AP2A2: variants seen among roughly 807,000 people sequenced by gnomAD.
AP2A2 encodes the protein AP-2 complex subunit alpha-2.
In AP2A2, 32 loss-of-function variants were observed where a neutral mutation model predicts 104.2. That is an observed-to-expected ratio of 0.31 (90% CI 0.23 to 0.41). The LOEUF (loss-of-function observed/expected upper bound fraction) is 0.41, where lower values mean the gene tolerates loss of function less well. Among genes scored for constraint, AP2A2 ranks in the 10% least tolerant of loss-of-function variants. The probability of loss-of-function intolerance (pLI) is 1.00; values close to 1 mark genes in which losing one functional copy is unlikely to be tolerated. For synonymous variants in AP2A2, 539 were observed against 533.3 expected, an observed-to-expected ratio of 1.01 and a Z score of -0.15; for missense variants, 912 against 1,261.0, an observed-to-expected ratio of 0.72 and a Z score of 4.19.
intron 2 of AP2A2, among the ~76,000 whole-genome samples, chr11:962,021 G>A (rs538607011): frequency 6.6e-6 from 1 of 152,372 alleles, no homozygotes; most frequent in African/African-American, 2.4e-5. Context: ...AGATGGAGAT[G>A]TGGGTCTGAC....
intron 1 of AP2A2, among the ~76,000 whole-genome samples, chr11:934,216 A>T (rs1564778799): frequency 6.6e-6 from 1 of 152,142 alleles, no homozygotes. Context: ...GTTCTTAGGA[A>T]TAACACTTCT....
At chr11:927,469 G>A (rs929082816) in intron 1 of AP2A2, among the ~76,000 whole-genome samples, 1 of 150,704 alleles carries the variant, frequency 6.6e-6, no homozygotes, top group African/African-American at 2.4e-5. Context: ...CCCACACTCT[G>A]TGGAAGGGTA....
chr11:971,538 G>A (rs1358338636), intron 3 of AP2A2, among the ~76,000 whole-genome samples: 3 of 152,064 alleles, frequency 2.0e-5, no homozygotes, highest in African/African-American at 7.2e-5. Flanking sequence ...GAGGATGGCT[G>A]GGAAGAAGTG....
intron 1 of AP2A2, among the ~76,000 whole-genome samples, chr11:940,312 T>C (rs1477620928): frequency 6.6e-6 from 1 of 152,236 alleles, no homozygotes; most frequent in Non-Finnish European, 1.5e-5. Context: ...TTATTCAATC[T>C]GGAAACTTAT....
intron 13 of AP2A2, 23 bp from the exon 14 acceptor site, chr11:994,049 T>C (rs1390878821): frequency 1.2e-6 from 2 of 1,611,788 alleles, no homozygotes; most frequent in Non-Finnish European, 8.5e-7. Context: ...CTCTGACCAG[T>C]CCCACCCTGT....
At chr11:981,356 T>A (rs1172662631) in intron 6 of AP2A2, 57 bp downstream of exon 6, 1 of 1,350,730 alleles carries the variant, frequency 7.4e-7, no homozygotes, top group Non-Finnish European at 1.0e-6. Flanking sequence ...AGTTATTTAT[T>A]TATTAGCTTA....
chr11:999,799 CT>C lies in AP2A2; in HGVS notation c.1957-630del, dbSNP rs1398277091. The stretch of plus-strand genomic sequence containing the variant: ...GGCAGTAACATGCATGATCTTAGTT[CT>C]TTCTTTTTTTTTTTTTTTTTTGAGA... On this transcript the variant is annotated intron_variant, in intron 14 of 21. Transcript: ENST00000448903. Among the ~76,000 whole-genome samples the C allele has an allele frequency of 5.7e-4, 73 of 127,610 alleles. No individual in the cohort carries two copies. The East Asian group carries it at 0.011, about 19-fold the overall frequency. The allele number at this position is 127,610 out of a possible 152,430, so 83.7% of individuals were successfully genotyped here.
At chr11:948,373 A>C (rs1460057336) in intron 1 of AP2A2, 1 of 152,232 alleles carries the variant, frequency 6.6e-6, no homozygotes, top group African/African-American at 2.4e-5. Flanking sequence ...AAATTCCTAG[A>C]AAGTCGTGAC....
intron 9 of AP2A2, 75 bp from the exon 10 acceptor site, chr11:988,477 C>T (rs2133721364): frequency 6.4e-7 from 1 of 1,552,354 alleles, no homozygotes; most frequent in East Asian, 2.3e-5. Flanking sequence ...GATGCGGGTG[C>T]CGAGCCTGTC....
intron 1 of AP2A2, among the ~76,000 whole-genome samples, chr11:951,387 C>T (rs999391276): frequency 9.2e-5 from 14 of 151,794 alleles, no homozygotes; most frequent in Middle Eastern, 3.4e-3. Context: ...ATTAGCTGGG[C>T]GTAGTGGCAG....
At chr11:983,922 T>A (rs1293010051) in intron 6 of AP2A2, among the ~76,000 whole-genome samples, 1 of 152,176 alleles carries the variant, frequency 6.6e-6, no homozygotes, top group Non-Finnish European at 1.5e-5. Context: ...CTTGCCTCCT[T>A]GCAGCAGGAG....
chr11:988,534 CTG>C lies in AP2A2; in HGVS notation c.1132-15_1132-14del, dbSNP rs1564811713. 6.2e-7 allele frequency: 1 copy of C among 1,608,010 alleles called. No homozygotes were observed. The highest frequency in any genetic ancestry group is 1.7e-5 in the Admixed American group (1 of 59,988). On this transcript the variant is annotated splice_polypyrimidine_tract_variant and intron_variant, in intron 9 of 21. Coordinates refer to ENST00000448903, the MANE Select transcript of AP2A2 (RefSeq NM_012305.4). Reference sequence around the variant, plus strand: ...TGCCTTGCTCCTGCGACCTCTTACTCTGTGCCTTGTTCCCCAGACTGAGCGGG... The same window carrying C: ...TGCCTTGCTCCTGCGACCTCTTACTCTGCCTTGTTCCCCAGACTGAGCGGG...
In AP2A2 at chr11:1,011,159, C is replaced by T. The variant is rs186434936; in HGVS notation, c.*534C>T. On this transcript the variant is annotated 3_prime_UTR_variant, in exon 22 of 22. Transcript: ENST00000448903. ...CTGTTTTCCCAGGCAGGATTTTAAT[C>T]TAGAATTTAGAAACATTTGTATTTG... 2.0e-4 allele frequency: 110 copies of T among 539,288 alleles called. 2 individuals carry two copies. In the East Asian group the frequency reaches 5.4e-3, roughly 27 times the overall value. The allele number at this position is 539,288 out of a possible 1,614,324, so 33.4% of individuals were successfully genotyped here. A position where few individuals can be genotyped will look rare whatever the true frequency, so the allele number is the denominator to read the frequency against.
chr11:929,955 C>T (rs1490492079), intron 1 of AP2A2, among the ~76,000 whole-genome samples: 1 of 151,832 alleles, frequency 6.6e-6, no homozygotes, highest in Non-Finnish European at 1.5e-5. Flanking sequence ...AACACTGTTT[C>T]CACAAAAATA....
At position 989,962 on chromosome 11, in the gene AP2A2, C is replaced by G. The variant is rs185758852; in HGVS notation, c.1269+1273C>G. 4.6e-3 allele frequency among the ~76,000 whole-genome samples: 708 copies of G among 152,286 alleles called. 2 individuals carry two copies. Among genetic ancestry groups the G allele is most frequent in the Admixed American group, 7.9e-3 (120 of 15,284 alleles). ...CTCAAGGCCTCCTTGGGAGCTTTGC[C>G]GAGAGCCAGTGTTGGAGCTAGTGGC... On this transcript the variant is annotated intron_variant, in intron 10 of 21. Coordinates refer to ENST00000448903, the MANE Select transcript of AP2A2 (RefSeq NM_012305.4).
At chr11:930,496 T>G (rs1303188445) in intron 1 of AP2A2, among the ~76,000 whole-genome samples, 1 of 152,220 alleles carries the variant, frequency 6.6e-6, no homozygotes, top group Non-Finnish European at 1.5e-5. Context: ...AAAAAAATTC[T>G]AGTCCTTTTA....
intron 18 of AP2A2, chr11:1,008,432 C>T (rs1856284985): frequency 2.7e-6 from 1 of 364,584 alleles, no homozygotes; most frequent in Non-Finnish European, 4.9e-6. Context: ...GCCAGGGCCC[C>T]CGCGCCACCT....
intron 10 of AP2A2, among the ~76,000 whole-genome samples, chr11:990,250 C>T (rs10902262): frequency 0.36 from 54,572 of 151,982 alleles, 10,491 homozygotes; most frequent in Admixed American, 0.49. Flanking sequence ...GGTGGGCTGA[C>T]TCCCGGCAGG....
intron 1 of AP2A2, among the ~76,000 whole-genome samples, chr11:947,326 A>C (rs1460568143): frequency 6.6e-6 from 1 of 152,206 alleles, no homozygotes; most frequent in Non-Finnish European, 1.5e-5. Flanking sequence ...CTGCCTTAAA[A>C]GACAACTGTA....
Sources: allele counts gnomAD v4.1 joint callset (sites outside exome capture counted in the v4.1 genomes callset), GRCh38; gene constraint gnomAD v4.1.1; transcripts MANE v1.5; gene names NCBI Gene and HGNC (gene_info 2026-07-23, HGNC 2026-07-21).